Variants in PROM1 observed in about 807,000 individuals in gnomAD.
The protein encoded by PROM1 is prominin-1.
PROM1 carries 105 observed loss-of-function variants against 116.9 expected under a neutral mutation model. The ratio of observed to expected loss-of-function variants is 0.90; its 90% confidence interval spans 0.77 to 1.06. The LOEUF is 1.06. PROM1 is among the 50% of genes least tolerant of loss of function. The probability of loss-of-function intolerance (pLI) is 0.00; values close to 1 mark genes in which losing one functional copy is unlikely to be tolerated. For synonymous variants in PROM1, 393 were observed against 387.0 expected, an observed-to-expected ratio of 1.02 and a Z score of -0.18; for missense variants, 1,122 against 1,045.2, an observed-to-expected ratio of 1.07 and a Z score of -1.01.
chr4:15,969,750 AT>A (rs1313532789), intron 27 of PROM1, among the ~76,000 whole-genome samples: 1 of 151,342 alleles, frequency 6.6e-6, no homozygotes, highest in Non-Finnish European at 1.5e-5. Context: ...TAATTTTTAT[AT>A]TTTTTAGTAG....
chr4:16,006,483 C>A (rs1244251334), intron 13 of PROM1, 55 bp downstream of exon 13: 21 of 1,509,756 alleles, frequency 1.4e-5, no homozygotes, highest in Non-Finnish European at 1.8e-5. Context: ...GAGTCAGCAC[C>A]CAGTCTCTCT....
intron 11 of PROM1, 80 bp from the exon 12 acceptor site, chr4:16,009,188 C>G: frequency 3.3e-6 from 4 of 1,228,080 alleles, no homozygotes; most frequent in South Asian, 2.7e-5. Context: ...AACAGAAAAG[C>G]CTGAACCACC....
Position 16,013,298 on chromosome 4 carries a change from C to T in PROM1, c.1118G>A (p.Arg373His), listed in dbSNP as rs375364598. 17 of 1,609,186 alleles carry T rather than the reference C, an allele frequency of 1.1e-5. No individual in the cohort carries two copies. Among genetic ancestry groups the T allele is most frequent in the African/African-American group, 2.7e-5 (2 of 74,786 alleles). ...ACCTGCTACGACAGTCGTGGTTTGGCGTTGTACTCTGTCAGGTATATCATT... is the reference window on the plus strand; with the variant it reads ...ACCTGCTACGACAGTCGTGGTTTGGTGTTGTACTCTGTCAGGTATATCATT... ...SLNDIPDRVQ[R>H]QTTTVVAGIK... Residue 373 changes from arginine to histidine, a missense_variant, in exon 11 of 28, where the codon CGC (arginine) becomes CAC (histidine). Transcript: ENST00000447510.
intron 19 of PROM1, among the ~76,000 whole-genome samples, chr4:15,988,794 A>T (rs1277081841): frequency 2.7e-5 from 2 of 73,056 alleles, no homozygotes; most frequent in Admixed American, 1.3e-4. Context: ...CACTGGACAC[A>T]AATTAAGAAA....
intron 2 of PROM1, among the ~76,000 whole-genome samples, chr4:16,062,507 A>AG (rs1368856774): frequency 1.3e-5 from 2 of 152,242 alleles, no homozygotes; most frequent in African/African-American, 4.8e-5. Context: ...TGTCCTATAA[A>AG]GACTTATTAA....
chr4:16,006,459 T>G, intron 13 of PROM1, 79 bp downstream of exon 13: 1 of 1,455,628 alleles, frequency 6.9e-7, no homozygotes, highest in Non-Finnish European at 9.2e-7. Flanking sequence ...GGGCGCCGGG[T>G]TCATGTAACA....
At chr4:16,049,036 C>G (rs894081925) in intron 2 of PROM1, among the ~76,000 whole-genome samples, 1 of 152,192 alleles carries the variant, frequency 6.6e-6, no homozygotes, top group African/African-American at 2.4e-5. Flanking sequence ...TGGGCTGGGG[C>G]TCCCCGACAG....
intron 13 of PROM1, 111 bp from the exon 14 acceptor site, chr4:16,000,730 T>C (rs1347374068): frequency 3.2e-6 from 3 of 939,564 alleles, no homozygotes; most frequent in South Asian, 2.6e-5. Flanking sequence ...TCTTCAGTGT[T>C]ATTCAGGTGA....
intron 13 of PROM1, among the ~76,000 whole-genome samples, chr4:16,001,546 G>A (rs1299554172): frequency 1.3e-5 from 2 of 152,134 alleles, no homozygotes; most frequent in African/African-American, 4.8e-5. Context: ...CAGAGAAGTA[G>A]GAAGGTAACT....
At position 16,009,180 on chromosome 4, in the gene PROM1, C is replaced by G. The variant is rs7678063; in HGVS notation, c.1142-72G>C. The G allele has an allele frequency of 2.9e-4, 394 of 1,369,230 alleles. 1 individual carries two copies. The African/African-American group carries it at 5.3e-3, about 18-fold the overall frequency. 84.8% of individuals were successfully genotyped at this position (1,369,230 alleles called of 1,614,324 possible). On this transcript the variant is annotated intron_variant, in intron 11 of 27. Coordinates refer to ENST00000447510, the MANE Select transcript of PROM1 (RefSeq NM_006017.3). ...ATAGAAACTTTGTTTTGGAACCAAA[C>G]AGAAAAGCCTGAACCACCTTTAGTT...
chr4:15,999,846 A>AG (rs368669423), intron 14 of PROM1, among the ~76,000 whole-genome samples: 94 of 148,908 alleles, frequency 6.3e-4, no homozygotes, highest in Non-Finnish European at 9.7e-4. Flanking sequence ...CAGAATCTGG[A>AG]GAAAAAAAAA....
intron 20 of PROM1, 122 bp downstream of exon 20, chr4:15,987,541 T>C (rs1390793035): frequency 1.9e-6 from 2 of 1,028,184 alleles, no homozygotes; most frequent in Non-Finnish European, 2.9e-6. Flanking sequence ...CTATTTAAAA[T>C]AGGTAGATAA....
intron 1 of PROM1, chr4:16,082,181 G>C (rs1037322191): frequency 2.0e-5 from 3 of 152,024 alleles, no homozygotes; most frequent in Non-Finnish European, 4.4e-5. Flanking sequence ...ACTCCACCGG[G>C]GCTCCTAGGA....
Position 16,075,927 on chromosome 4 carries a change from C to T in PROM1, c.-21G>A. On this transcript the variant is annotated 5_prime_UTR_variant, in exon 2 of 28. The change abolishes an upstream ATG in the 5' untranslated region. Transcript: ENST00000447510. ...GCCATAGCTAGCAAGATCCTCCAAA[C>T]ATGAGGTAGAACTTGGTGCCTCCTG... 6.3e-7 allele frequency: 1 copy of T among 1,587,130 alleles called. No homozygotes were observed. Among genetic ancestry groups the T allele is most frequent in the Non-Finnish European group, 8.6e-7 (1 of 1,164,954 alleles).
At chr4:16,030,902 C>T (rs1410778548) in intron 5 of PROM1, among the ~76,000 whole-genome samples, 10 of 152,008 alleles carry the variant, frequency 6.6e-5, no homozygotes, top group South Asian at 2.1e-4. Flanking sequence ...AAAAATCTGC[C>T]GGGCCTGGTG....
intron 23 of PROM1, among the ~76,000 whole-genome samples, 153 bp downstream of exon 23, chr4:15,984,110 C>G (rs1257143668): frequency 6.6e-6 from 1 of 152,178 alleles, no homozygotes; most frequent in African/African-American, 2.4e-5. Flanking sequence ...CTTTTCTAGT[C>G]TATTAGCATC....
intron 3 of PROM1, 87 bp from the exon 4 acceptor site, chr4:16,035,848 T>C (rs370893902): frequency 8.0e-7 from 1 of 1,248,808 alleles, no homozygotes; most frequent in African/African-American, 1.5e-5. Flanking sequence ...TGATCAACCA[T>C]AACCAAGAAC....
chr4:15,969,910 C>T (rs1186160482), intron 27 of PROM1, among the ~76,000 whole-genome samples: 2 of 152,066 alleles, frequency 1.3e-5, no homozygotes, highest in Non-Finnish European at 2.9e-5. Context: ...ACTCAAGGTA[C>T]GTGGTTGGTA....
At chr4:15,989,589 G>A in intron 19 of PROM1, 143 bp downstream of exon 19, 1 of 720,410 alleles carries the variant, frequency 1.4e-6, no homozygotes, top group Non-Finnish European at 2.5e-6. Flanking sequence ...TTTGTCTAAA[G>A]GCCAGCTCAA....
Sources: allele counts gnomAD v4.1 joint callset (sites outside exome capture counted in the v4.1 genomes callset), GRCh38; gene constraint gnomAD v4.1.1; transcripts MANE v1.5; gene names NCBI Gene and HGNC (gene_info 2026-07-23, HGNC 2026-07-21).